Variants in ANKRD42 observed in about 807,000 individuals in gnomAD.
ANKRD42 encodes ankyrin repeat domain-containing protein 42.
Under a neutral mutation model 51.5 loss-of-function variants are expected in ANKRD42, and 43 were observed. The ratio of observed to expected loss-of-function variants is 0.83; its 90% CI spans 0.65 to 1.08. The LOEUF (loss-of-function observed/expected upper bound fraction) is 1.08, where lower values mean the gene tolerates loss of function less well. Among genes scored for constraint, ANKRD42 ranks in the 50% least tolerant of loss-of-function variants. The pLI, the probability that ANKRD42 is intolerant of heterozygous loss-of-function variation, is 0.00. For synonymous variants in ANKRD42, 203 were observed against 213.0 expected (o/e 0.95, Z 0.41); for missense variants, 608 against 629.3 (o/e 0.97, Z 0.36).
At chr11:83,249,382 T>G (rs1863636146), downstream of ANKRD42, among the ~76,000 whole-genome samples, 1 of 151,670 alleles carries the variant, frequency 6.6e-6, no homozygotes, top group Non-Finnish European at 1.5e-5. Flanking sequence ...AATTAGTTTT[T>G]TTGTTTGTTT....
At chr11:83,202,015 T>C (rs477105) in intron 2 of ANKRD42, among the ~76,000 whole-genome samples, 47,392 of 152,066 alleles carry the variant, frequency 0.31, 8,193 homozygotes, top group East Asian at 0.58. Context: ...TATTTGTCAA[T>C]GTTGGCTTTT....
intron 2 of ANKRD42, among the ~76,000 whole-genome samples, chr11:83,198,873 T>A (rs563120999): frequency 6.6e-6 from 1 of 152,178 alleles, no homozygotes; most frequent in East Asian, 1.9e-4. Context: ...ACCCAAGAAT[T>A]TGGATCCCGG....
chr11:83,212,132 G>A (rs545620476), intron 5 of ANKRD42, among the ~76,000 whole-genome samples: 11 of 151,774 alleles, frequency 7.2e-5, no homozygotes, highest in Non-Finnish European at 1.3e-4. Context: ...TGCCCAGGCT[G>A]GAGTGCAGTG....
chr11:83,236,629 T>C (rs1461347491), intron 8 of ANKRD42, 120 bp downstream of exon 8: 1 of 674,534 alleles, frequency 1.5e-6, no homozygotes, highest in African/African-American at 1.9e-5. Context: ...CAAATACAGA[T>C]GGAATGACAA....
At chr11:83,258,480 G>A (rs1863810402), downstream of ANKRD42, among the ~76,000 whole-genome samples, 1 of 152,110 alleles carries the variant, frequency 6.6e-6, no homozygotes, top group African/African-American at 2.4e-5. Flanking sequence ...GGTGAGATTT[G>A]GAGTTAAAGA....
At chr11:83,213,190 G>A (rs186314631) in intron 5 of ANKRD42, 221 of 1,600,174 alleles carry the variant, frequency 1.4e-4, no homozygotes, top group Non-Finnish European at 1.7e-4. Flanking sequence ...TTGTGGGAGC[G>A]ACAAAAAAAA....
At chr11:83,238,881 C>CT (rs1006277758) in intron 8 of ANKRD42, among the ~76,000 whole-genome samples, 2 of 151,526 alleles carry the variant, frequency 1.3e-5, no homozygotes, top group Non-Finnish European at 2.9e-5. Flanking sequence ...TGGCGTGCAC[C>CT]TGTAGTCCCA....
At chr11:83,241,723 C>CA (rs1863393611) in intron 9 of ANKRD42, among the ~76,000 whole-genome samples, 1 of 152,044 alleles carries the variant, frequency 6.6e-6, no homozygotes, top group African/African-American at 2.4e-5. Context: ...TTTTTCACTA[C>CA]AAAATCTCAG....
intron 5 of ANKRD42, among the ~76,000 whole-genome samples, chr11:83,216,201 G>A (rs1452349401): frequency 6.6e-6 from 1 of 152,184 alleles, no homozygotes; most frequent in Non-Finnish European, 1.5e-5. Context: ...ACACACCACA[G>A]TTACATTATT....
At chr11:83,254,588 G>C (rs748287242) in intron 11 of ANKRD42, among the ~76,000 whole-genome samples, 1 of 151,810 alleles carries the variant, frequency 6.6e-6, no homozygotes, top group Non-Finnish European at 1.5e-5. Context: ...TGCAGGACAA[G>C]CCCAGCTAAT....
chr11:83,197,548 C>T (rs1039080396), intron 1 of ANKRD42, among the ~76,000 whole-genome samples: 1 of 152,146 alleles, frequency 6.6e-6, no homozygotes, highest in Non-Finnish European at 1.5e-5. Context: ...AATAGTAGTA[C>T]AAGGTTGCAC....
chr11:83,226,306 T>C (rs1266094709), intron 6 of ANKRD42, among the ~76,000 whole-genome samples: 1 of 152,196 alleles, frequency 6.6e-6, no homozygotes, highest in Non-Finnish European at 1.5e-5. Context: ...ATAAAATGTC[T>C]TTAATGATAG....
chr11:83,246,295 A>G (rs1268617188), intron 10 of ANKRD42, among the ~76,000 whole-genome samples: 1 of 152,254 alleles, frequency 6.6e-6, no homozygotes, highest in Non-Finnish European at 1.5e-5. Flanking sequence ...CTACTATAAT[A>G]AGTAATCTAG....
rs757059053 is a variant in ANKRD42, at chr11:83,247,964, C to T, written c.1344C>T (p.Gly448=). The T allele has an allele frequency of 1.4e-5, 22 of 1,611,390 alleles. No individual in the cohort carries two copies. Among genetic ancestry groups the T allele is most frequent in the Non-Finnish European group, 1.6e-5 (19 of 1,179,158 alleles). ...ESEKTIKELQ[G]QLEYERLRRE... The stretch of plus-strand genomic sequence containing the variant: ...ATAGGACCATCAAAGAACTGCAGGG[C>T]CAGCTGGAGTATGAACGACTACGTA... Residue 448 remains glycine (G), a synonymous_variant, in exon 11 of 11, where the codon GGC becomes GGT. Transcript: ENST00000533342.
chr11:83,209,814 C>T, intron 3 of ANKRD42: 1 of 546,622 alleles, frequency 1.8e-6, no homozygotes, highest in South Asian at 2.0e-5. Context: ...GCCACCACCA[C>T]CATAGCCCAG....
chr11:83,194,797 T>G (rs866990310), intron 1 of ANKRD42, 69 bp downstream of exon 1: 10 of 1,462,752 alleles, frequency 6.8e-6, no homozygotes, highest in Middle Eastern at 1.8e-4. Flanking sequence ...GCAACAGCCT[T>G]AGCCCTTTCT....
intron 5 of ANKRD42, 122 bp downstream of exon 5, chr11:83,211,552 T>G: frequency 9.0e-7 from 1 of 1,108,934 alleles, no homozygotes; most frequent in South Asian, 1.5e-5. Flanking sequence ...ATCTCAGCAC[T>G]TTGAGAGGCT....
In ANKRD42 at chr11:83,236,493, A is replaced by G. The variant is rs1345311889; in HGVS notation, c.1003A>G (p.Ser335Gly). The G allele has an allele frequency of 1.9e-6, 3 of 1,610,356 alleles. No individual in the cohort carries two copies. In the East Asian group the frequency reaches 6.7e-5, roughly 36 times the overall value. ...TACCAACAAAGCAGGGGAGAGACCC[A>G]GTGATGTGGCAAAGAGGTATAAATC... is the stretch of plus-strand genomic sequence containing the variant. ...NITNKAGERP[S>G]DVAKRFAHLA... is the part of the protein sequence containing the mutation. Residue 335 changes from serine to glycine, a missense_variant, in exon 8 of 11, where the codon AGT (serine) becomes GGT (glycine). Physicochemically the swap from Ser to Gly is moderately conservative, Grantham distance 56 (BLOSUM62 0). Transcript: ENST00000533342.
intron 7 of ANKRD42, among the ~76,000 whole-genome samples, chr11:83,229,389 C>T (rs969143265): frequency 5.9e-5 from 9 of 152,114 alleles, no homozygotes; most frequent in African/African-American, 2.2e-4. Flanking sequence ...CCTCCTATAA[C>T]ACATCCATTT....
Sources: gnomAD v4.1 joint callset for allele counts (sites outside exome capture counted in the v4.1 genomes callset) on GRCh38, gnomAD v4.1.1 for gene constraint, MANE v1.5 for transcripts, NCBI Gene and HGNC (gene_info 2026-07-23, HGNC 2026-07-21) for gene names.